GALNT13: variants seen among roughly 807,000 people sequenced by gnomAD.
GALNT13 encodes UDP-GalNAc:polypeptide N-acetylgalactosaminyltransferase 13.
GALNT13 carries 28 observed loss-of-function variants against 64.2 expected under a neutral mutation model. The observed-to-expected ratio is 0.44, with a 90% CI of 0.32 to 0.60. The LOEUF (loss-of-function observed/expected upper bound fraction) is 0.60. GALNT13 is among the 20% of genes least tolerant of loss of function. The pLI, the probability that GALNT13 is intolerant of heterozygous loss-of-function variation, is 0.05. For synonymous variants in GALNT13, 214 were observed against 224.6 expected (o/e 0.95, Z 0.42); for missense variants, 577 against 669.8 (o/e 0.86, Z 1.53).
intron 3 of GALNT13, among the ~76,000 whole-genome samples, chr2:154,100,938 A>AT (rs139513147): frequency 0.17 from 26,159 of 151,716 alleles, 2,613 homozygotes; most frequent in Middle Eastern, 0.27. Context: ...TTATCAAGTG[A>AT]TTTTTTTTAT....
chr2:153,549,084 T>C, the GALNT13 span, among the ~76,000 whole-genome samples: 1 of 152,120 alleles, frequency 6.6e-6, no homozygotes, highest in South Asian at 2.1e-4. Context: ...ACAAAATAGA[T>C]TAGCGGTTGC....
intron 3 of GALNT13, among the ~76,000 whole-genome samples, chr2:154,011,046 C>T (rs1696600312): frequency 6.6e-6 from 1 of 151,950 alleles, no homozygotes; most frequent in South Asian, 2.1e-4. Flanking sequence ...TCCACAAAAA[C>T]AAACTTTTCG....
At chr2:154,068,556 C>T (rs1013036304) in intron 3 of GALNT13, among the ~76,000 whole-genome samples, 4 of 151,892 alleles carry the variant, frequency 2.6e-5, no homozygotes, top group African/African-American at 7.3e-5. Flanking sequence ...GAGATCCTTT[C>T]ATTTGCAAAT....
At chr2:154,369,728 A>G (rs1165161149) in intron 9 of GALNT13, among the ~76,000 whole-genome samples, 1 of 152,200 alleles carries the variant, frequency 6.6e-6, no homozygotes, top group South Asian at 2.1e-4. Context: ...ACAGAATACC[A>G]TAGACTAGGT....
chr2:153,637,577 A>G, the GALNT13 span, among the ~76,000 whole-genome samples: 1 of 152,144 alleles, frequency 6.6e-6, no homozygotes, highest in Admixed American at 6.6e-5. Context: ...GGAGAGAGAA[A>G]TATAACAGCA....
At chr2:154,359,270 A>G (rs1451299892) in intron 9 of GALNT13, among the ~76,000 whole-genome samples, 2 of 152,114 alleles carry the variant, frequency 1.3e-5, no homozygotes, top group Non-Finnish European at 2.9e-5. Flanking sequence ...GACAAGTCCC[A>G]GGTAGCCACT....
At chr2:153,239,280 G>A in the GALNT13 span, among the ~76,000 whole-genome samples, 1 of 151,968 alleles carries the variant, frequency 6.6e-6, no homozygotes, top group East Asian at 1.9e-4. Flanking sequence ...ATCATCTGCA[G>A]GCAAGAATAA....
intron 9 of GALNT13, among the ~76,000 whole-genome samples, chr2:154,386,095 A>G (rs1698501721): frequency 6.6e-6 from 1 of 152,028 alleles, no homozygotes; most frequent in Non-Finnish European, 1.5e-5. Context: ...TCTTACCAAG[A>G]CACCAGAAAT....
intron 2 of GALNT13, among the ~76,000 whole-genome samples, chr2:153,910,921 A>C (rs562963343): frequency 6.6e-6 from 1 of 152,266 alleles, no homozygotes; most frequent in South Asian, 2.1e-4. Context: ...GGAGAGTCCT[A>C]TAGGTATCTA....
Position 154,156,113 on chromosome 2 carries a change from T to TG in GALNT13, c.311+15609dup, listed in dbSNP as rs551468071. On this transcript the variant is annotated intron_variant, in intron 4 of 12. Transcript: ENST00000392825. The stretch of plus-strand genomic sequence containing the variant: ...ACAGATAGAGACATTTTCACTAAAA[T>TG]GTCATAGGAGACTTTCTGGTTATAT... 1.3e-4 allele frequency among the ~76,000 whole-genome samples: 20 copies of TG among 152,100 alleles called. No homozygotes were observed. In the East Asian group the frequency reaches 3.7e-3, roughly 28 times the overall value.
the GALNT13 span, among the ~76,000 whole-genome samples, chr2:153,069,065 G>A: frequency 2.6e-5 from 4 of 152,126 alleles, no homozygotes; most frequent in African/African-American, 4.8e-5. Flanking sequence ...ATACTTAGAC[G>A]CCTCCTTCTT....
chr2:154,015,058 T>C (rs991720556), intron 3 of GALNT13, among the ~76,000 whole-genome samples: 3 of 152,192 alleles, frequency 2.0e-5, no homozygotes, highest in Non-Finnish European at 4.4e-5. Flanking sequence ...CTGAAAAATA[T>C]GTATCCATTT....
At chr2:153,951,789 T>C (rs900929345) in intron 3 of GALNT13, among the ~76,000 whole-genome samples, 3 of 152,156 alleles carry the variant, frequency 2.0e-5, no homozygotes, top group African/African-American at 7.2e-5. Context: ...TAATGGACAT[T>C]TTTCTAAAAT....
intron 3 of GALNT13, among the ~76,000 whole-genome samples, chr2:154,085,892 C>T (rs1701496315): frequency 6.6e-6 from 1 of 151,270 alleles, no homozygotes; most frequent in African/African-American, 2.4e-5. Context: ...AGTGGGGCTC[C>T]ATCTCTACAG....
At chr2:153,652,081 C>A in the GALNT13 span, among the ~76,000 whole-genome samples, 1 of 152,072 alleles carries the variant, frequency 6.6e-6, no homozygotes, top group Non-Finnish European at 1.5e-5. Flanking sequence ...ATTTTTTCCA[C>A]CTAACCTTAA....
chr2:154,014,577 G>GTT (rs35992474), intron 3 of GALNT13, among the ~76,000 whole-genome samples: 7,464 of 136,632 alleles, frequency 0.055, 269 homozygotes, highest in South Asian at 0.11. Context: ...TCTTTCCTCT[G>GTT]TTTTTTTTTG....
chr2:153,111,685 A>G, the GALNT13 span, among the ~76,000 whole-genome samples: 1 of 125,370 alleles, frequency 8.0e-6, no homozygotes, highest in East Asian at 2.4e-4. Context: ...TAAATAATTA[A>G]ATTACTCTCT....
At chr2:154,421,470 C>T (rs1700247795) in intron 11 of GALNT13, among the ~76,000 whole-genome samples, 1 of 151,960 alleles carries the variant, frequency 6.6e-6, no homozygotes, top group African/African-American at 2.4e-5. Flanking sequence ...CATACTATGT[C>T]AGCAAAATAT....
At chr2:153,183,759 G>A in the GALNT13 span, among the ~76,000 whole-genome samples, 1 of 152,130 alleles carries the variant, frequency 6.6e-6, no homozygotes, top group South Asian at 2.1e-4. Flanking sequence ...TGTCAGGTTT[G>A]TCAAAGAAAA....
Sources: gnomAD v4.1 joint callset for allele counts (sites outside exome capture counted in the v4.1 genomes callset) on GRCh38, gnomAD v4.1.1 for gene constraint, MANE v1.5 for transcripts, NCBI Gene and HGNC (gene_info 2026-07-23, HGNC 2026-07-21) for gene names.